Variants in PLCB1 observed in about 807,000 individuals in gnomAD.
PLCB1 encodes the protein phospholipase C beta 1.
PLCB1 carries 46 observed loss-of-function variants against 161.8 expected under a neutral mutation model. That is an observed-to-expected ratio of 0.28 (90% CI 0.22 to 0.36). The LOEUF (loss-of-function observed/expected upper bound fraction) is 0.36. Among genes scored for constraint, PLCB1 ranks in the 10% least tolerant of loss-of-function variants. PLCB1 has a pLI of 1.00. For missense variants in PLCB1, 1,016 were observed against 1,472.5 expected, an observed-to-expected ratio of 0.69 and a Z score of 5.07; for synonymous variants, 517 against 503.7, an observed-to-expected ratio of 1.03 and a Z score of -0.35.
intron 2 of PLCB1, among the ~76,000 whole-genome samples, chr20:8,359,660 C>T (rs1181541006): frequency 6.6e-6 from 1 of 152,030 alleles, no homozygotes; most frequent in Non-Finnish European, 1.5e-5. Flanking sequence ...TATGTTTTCC[C>T]AGTAGTACTC....
intron 3 of PLCB1, among the ~76,000 whole-genome samples, chr20:8,516,595 G>C (rs1201885757): frequency 2.7e-5 from 4 of 147,442 alleles, no homozygotes; most frequent in Non-Finnish European, 6.0e-5. Context: ...GTCTTATTTA[G>C]CCAAATTACA....
chr20:8,192,836 G>C (rs570552658), intron 2 of PLCB1, among the ~76,000 whole-genome samples: 26 of 152,054 alleles, frequency 1.7e-4, no homozygotes, highest in African/African-American at 6.3e-4. Context: ...CAAATATGGA[G>C]GGGGGCTAAT....
intron 23 of PLCB1, among the ~76,000 whole-genome samples, chr20:8,750,071 C>T (rs1014716753): frequency 2.6e-5 from 4 of 151,978 alleles, no homozygotes; most frequent in South Asian, 2.1e-4. Flanking sequence ...AAGAGAGTGA[C>T]ATTATAAAAT....
chr20:8,827,965 G>A (rs1010142788), intron 31 of PLCB1, among the ~76,000 whole-genome samples: 3 of 152,170 alleles, frequency 2.0e-5, no homozygotes, highest in African/African-American at 7.2e-5. Flanking sequence ...TCTAAAATAT[G>A]TACTCCCTGG....
intron 11 of PLCB1, among the ~76,000 whole-genome samples, chr20:8,704,044 A>T (rs1978522120): frequency 6.6e-6 from 1 of 152,210 alleles, no homozygotes; most frequent in African/African-American, 2.4e-5. Flanking sequence ...CAATGAAGAC[A>T]GCCATCATCA....
intron 3 of PLCB1, among the ~76,000 whole-genome samples, chr20:8,471,703 G>A (rs1342229477): frequency 3.3e-5 from 5 of 152,058 alleles, no homozygotes; most frequent in African/African-American, 9.7e-5. Flanking sequence ...TTGCAGACTC[G>A]CCTTGTTATG....
chr20:8,789,769 G>T (rs1248764332), intron 30 of PLCB1, among the ~76,000 whole-genome samples, 194 bp downstream of exon 30: 1 of 152,136 alleles, frequency 6.6e-6, no homozygotes, highest in African/African-American at 2.4e-5. Flanking sequence ...CTTTGTAAAA[G>T]GATTCATCTA....
intron 3 of PLCB1, among the ~76,000 whole-genome samples, chr20:8,469,837 G>A (rs779578859): frequency 2.8e-4 from 42 of 152,200 alleles, no homozygotes; most frequent in Non-Finnish European, 4.3e-4. Context: ...AGGTTTCAGC[G>A]TATTCGTAGA....
chr20:8,757,578 C>T (rs915174679), intron 24 of PLCB1, among the ~76,000 whole-genome samples: 19 of 152,250 alleles, frequency 1.2e-4, no homozygotes, highest in African/African-American at 4.6e-4. Flanking sequence ...ACTTTCTTTT[C>T]AACATCTTTG....
At chr20:8,584,987 C>T (rs1986945669) in intron 3 of PLCB1, among the ~76,000 whole-genome samples, 1 of 152,144 alleles carries the variant, frequency 6.6e-6, no homozygotes, top group East Asian at 1.9e-4. Flanking sequence ...CCACGCCTGG[C>T]CCTCAAGATT....
chr20:8,819,793 C>T (rs557366300), intron 31 of PLCB1, among the ~76,000 whole-genome samples: 9 of 152,146 alleles, frequency 5.9e-5, no homozygotes, highest in African/African-American at 2.2e-4. Context: ...CCAGATGCAC[C>T]ATATCCTTGA....
intron 2 of PLCB1, among the ~76,000 whole-genome samples, chr20:8,174,222 A>G (rs560127298): frequency 6.6e-6 from 1 of 152,346 alleles, no homozygotes; most frequent in Non-Finnish European, 1.5e-5. Context: ...GGCAAAGGAA[A>G]AAAATCTTCA....
chr20:8,678,115 A>T (rs1240984862), intron 9 of PLCB1, among the ~76,000 whole-genome samples: 1 of 152,204 alleles, frequency 6.6e-6, no homozygotes, highest in African/African-American at 2.4e-5. Flanking sequence ...TGGACTGGAG[A>T]TATATGCAAA....
At chr20:8,168,915 C>A (rs1351387195) in intron 2 of PLCB1, among the ~76,000 whole-genome samples, 2 of 152,114 alleles carry the variant, frequency 1.3e-5, no homozygotes, top group East Asian at 3.8e-4. Flanking sequence ...TTTCAGACCG[C>A]TTCTCCTAGC....
chr20:8,437,984 T>TA (rs1186255663), intron 3 of PLCB1, among the ~76,000 whole-genome samples: 4 of 152,192 alleles, frequency 2.6e-5, no homozygotes, highest in East Asian at 3.9e-4. Flanking sequence ...CCCTGAAACA[T>TA]AAAAAAAGTC....
intron 3 of PLCB1, among the ~76,000 whole-genome samples, chr20:8,485,872 G>T (rs1982701345): frequency 6.6e-6 from 1 of 152,184 alleles, no homozygotes; most frequent in Non-Finnish European, 1.5e-5. Context: ...CTTGGAGGGT[G>T]TATTAGTCTG....
intron 1 of PLCB1, among the ~76,000 whole-genome samples, chr20:8,148,012 C>A (rs1219640306): frequency 1.6e-4 from 24 of 150,828 alleles, no homozygotes; most frequent in Non-Finnish European, 1.6e-4. Flanking sequence ...AAGTTTTATT[C>A]TGCTCACTTA....
intron 3 of PLCB1, among the ~76,000 whole-genome samples, chr20:8,560,771 T>A (rs999265445): frequency 3.3e-5 from 5 of 152,034 alleles, no homozygotes; most frequent in Non-Finnish European, 7.4e-5. Context: ...ATTTTTCCTA[T>A]CCAGTCTTTG....
rs769178819 is a variant in PLCB1 at position 8,230,146 on chromosome 20, A to G, written c.177+79775A>G. ...CTCTTGAAACAGAATGTGCAATTCAATAAGTTTCTTAGGTGACTCCTATGT... is the reference window on the plus strand; with the variant it reads ...CTCTTGAAACAGAATGTGCAATTCAGTAAGTTTCTTAGGTGACTCCTATGT... On this transcript the variant is annotated intron_variant, in intron 2 of 31. Transcript: ENST00000338037. Among the ~76,000 whole-genome samples, 8 of 151,744 alleles carry G rather than the reference A, an allele frequency of 5.3e-5. No individual in the cohort carries two copies. The East Asian group carries it at 5.8e-4, about 11-fold the overall frequency.
Sources: allele counts gnomAD v4.1 joint callset (sites outside exome capture counted in the v4.1 genomes callset), GRCh38; gene constraint gnomAD v4.1.1; transcripts MANE v1.5; gene names NCBI Gene and HGNC (gene_info 2026-07-23, HGNC 2026-07-21).